APBA1: variants seen among roughly 807,000 people sequenced by gnomAD.
APBA1 encodes the protein amyloid-beta A4 precursor protein-binding family A member 1.
A neutral mutation model predicts 86.6 loss-of-function variants in APBA1; 55 were observed. The ratio of observed to expected loss-of-function variants is 0.64; its 90% CI spans 0.51 to 0.80. The LOEUF (loss-of-function observed/expected upper bound fraction) is 0.80. Ranked by LOEUF, APBA1 falls within the 30% of genes least tolerant of loss-of-function variation. The pLI is 0.00. For missense variants in APBA1, 1,090 were observed against 1,183.0 expected (o/e 0.92, Z 1.15); for synonymous variants, 511 against 493.9 (o/e 1.03, Z -0.46).
chr9:69,664,457 A>G (rs1353666914), intron 1 of APBA1, among the ~76,000 whole-genome samples: 1 of 152,212 alleles, frequency 6.6e-6, no homozygotes, highest in Non-Finnish European at 1.5e-5. Context: ...AAGAAGTACT[A>G]TATCTCAAAA....
chr9:69,452,989 T>C (rs1015013325), intron 8 of APBA1, among the ~76,000 whole-genome samples: 7 of 152,252 alleles, frequency 4.6e-5, no homozygotes, highest in Non-Finnish European at 8.8e-5. Context: ...GGAAAGTTTA[T>C]GATATCCCAC....
At chr9:69,604,864 A>T (rs1378580732) in intron 1 of APBA1, among the ~76,000 whole-genome samples, 1 of 142,558 alleles carries the variant, frequency 7.0e-6, no homozygotes, top group African/African-American at 2.6e-5. Context: ...GCATATGAGC[A>T]TGGGCACACA....
chr9:69,657,956 G>A (rs1211317034), intron 1 of APBA1, among the ~76,000 whole-genome samples: 2 of 152,176 alleles, frequency 1.3e-5, no homozygotes, highest in South Asian at 2.1e-4. Flanking sequence ...TCTTTGAGAT[G>A]ACTGAACTGT....
intron 1 of APBA1, among the ~76,000 whole-genome samples, chr9:69,667,642 T>C (rs1377063314): frequency 6.6e-6 from 1 of 150,750 alleles, no homozygotes; most frequent in Non-Finnish European, 1.5e-5. Context: ...TTCAATCTCT[T>C]TTTCCCTCAA....
In APBA1 at chr9:69,467,837, C is replaced by T. The variant is rs748476429; in HGVS notation, c.1468G>A (p.Val490Ile). 1.1e-5 allele frequency: 18 copies of T among 1,614,094 alleles called. No homozygotes were observed. Among genetic ancestry groups the T allele is most frequent in the South Asian group, 2.2e-5 (2 of 91,084 alleles). ...NVRMMQAQEA[V>I]SRIKMAQKLA... ...GATGTCCTCACCTTGATCCTGCTTA[C>T]GGCTTCCTGGGCCTGCATCATGCGC... Residue 490 changes from valine to isoleucine, a missense_variant, in exon 5 of 13, where the codon GTA becomes ATA. Physicochemically the swap from Val to Ile is conservative, Grantham distance 29. Transcript: ENST00000265381.
intron 1 of APBA1, among the ~76,000 whole-genome samples, chr9:69,570,893 CT>C (rs1478658361): frequency 2.6e-5 from 4 of 152,176 alleles, no homozygotes; most frequent in African/African-American, 9.7e-5. Context: ...TGACTATGTT[CT>C]GAAGAAAGAA....
chr9:69,476,799 T>A (rs1332799644), intron 2 of APBA1, among the ~76,000 whole-genome samples: 1 of 152,100 alleles, frequency 6.6e-6, no homozygotes, highest in African/African-American at 2.4e-5. Flanking sequence ...CTTAGAAAAA[T>A]AGGCTCAGGG....
chr9:69,449,474 T>C, intron 10 of APBA1, 110 bp downstream of exon 10: 1 of 1,012,242 alleles, frequency 9.9e-7, no homozygotes, highest in South Asian at 1.5e-5. Flanking sequence ...GTGTCTTCCT[T>C]GGTGCCTGAC....
At chr9:69,513,658 G>A (rs11139046) in intron 2 of APBA1, among the ~76,000 whole-genome samples, 2,053 of 152,336 alleles carry the variant, frequency 0.013, 18 homozygotes, top group Non-Finnish European at 0.02. Flanking sequence ...GACAGGACAT[G>A]TCTGAGCTCA....
At chr9:69,483,135 T>TAAAAAAAA (rs148685744) in intron 2 of APBA1, among the ~76,000 whole-genome samples, 1 of 131,560 alleles carries the variant, frequency 7.6e-6, no homozygotes, top group African/African-American at 2.9e-5. Flanking sequence ...AAAAATTAAG[T>TAAAAAAAA]CAAAAAAACA....
At chr9:69,565,483 C>T (rs879808475) in intron 1 of APBA1, among the ~76,000 whole-genome samples, 1 of 152,182 alleles carries the variant, frequency 6.6e-6, no homozygotes, top group African/African-American at 2.4e-5. Flanking sequence ...TGCATCACAC[C>T]TCTCCATGGA....
chr9:69,564,447 G>A (rs1284486645), intron 1 of APBA1, among the ~76,000 whole-genome samples: 1 of 152,144 alleles, frequency 6.6e-6, no homozygotes, highest in Non-Finnish European at 1.5e-5. Context: ...CAATAAGGTA[G>A]GCTGGACATT....
chr9:69,587,962 G>C (rs1481524709), intron 1 of APBA1, among the ~76,000 whole-genome samples: 4 of 146,882 alleles, frequency 2.7e-5, no homozygotes, highest in Admixed American at 7.0e-5. Flanking sequence ...GGAGGTGGAG[G>C]TTGCAGTGAA....
intron 1 of APBA1, among the ~76,000 whole-genome samples, chr9:69,662,452 A>AT (rs1295525295): frequency 1.3e-5 from 2 of 152,200 alleles, no homozygotes; most frequent in Admixed American, 1.3e-4. Flanking sequence ...CTAGCCTGCC[A>AT]TAAAGAACAC....
Position 69,658,346 on chromosome 9 carries a change from C to CTTTCTTTCT in APBA1, c.-70+13798_-70+13806dup, listed in dbSNP as rs1554709974. On this transcript the variant is annotated intron_variant, in intron 1 of 12. Transcript: ENST00000265381. ...TCTTTCTTTCTTTCTTTCTTTCTTT[C>CTTTCTTTCT]TTTCTTTCTTTCTGTGTTTCTCTGT... 7.4e-4 allele frequency among the ~76,000 whole-genome samples: 104 copies of CTTTCTTTCT among 139,782 alleles called. 2 individuals are homozygous for CTTTCTTTCT. The highest frequency in any genetic ancestry group is 1.3e-3 in the Non-Finnish European group (81 of 64,432). The allele number at this position is 139,782 out of a possible 152,430, so 91.7% of individuals were successfully genotyped here. A position where few individuals can be genotyped will look rare whatever the true frequency, so the allele number is the denominator to read the frequency against.
At chr9:69,603,702 G>A (rs1390964612) in intron 1 of APBA1, among the ~76,000 whole-genome samples, 1 of 152,216 alleles carries the variant, frequency 6.6e-6, no homozygotes, top group Non-Finnish European at 1.5e-5. Context: ...AGGCCATAAG[G>A]CCAAAGTGTT....
chr9:69,499,159 G>A (rs1029528522), intron 2 of APBA1, among the ~76,000 whole-genome samples: 1 of 152,096 alleles, frequency 6.6e-6, no homozygotes, highest in Non-Finnish European at 1.5e-5. Context: ...ACACTGGAAT[G>A]TATACTCTTC....
chr9:69,474,913 A>G (rs1835418645), intron 3 of APBA1, among the ~76,000 whole-genome samples: 1 of 152,198 alleles, frequency 6.6e-6, no homozygotes, highest in Non-Finnish European at 1.5e-5. Context: ...CATTGCATTT[A>G]ACATAAAATT....
chr9:69,604,223 CAT>C (rs1822413852), intron 1 of APBA1, among the ~76,000 whole-genome samples: 1 of 150,952 alleles, frequency 6.6e-6, no homozygotes, highest in Non-Finnish European at 1.5e-5. Flanking sequence ...TGGAGAGGCA[CAT>C]GAGTGTGGGC....
Sources: allele counts gnomAD v4.1 joint callset (sites outside exome capture counted in the v4.1 genomes callset), GRCh38; gene constraint gnomAD v4.1.1; transcripts MANE v1.5; gene names NCBI Gene and HGNC (gene_info 2026-07-23, HGNC 2026-07-21).